Variants in ELMO1 observed in about 807,000 individuals in gnomAD.
The protein encoded by ELMO1 is engulfment and cell motility 1.
Under a neutral mutation model 98.9 loss-of-function variants are expected in ELMO1, and 26 were observed. That is an observed-to-expected ratio of 0.26 (90% CI 0.19 to 0.36). The LOEUF is 0.36. Ranked by LOEUF, ELMO1 falls within the 10% of genes least tolerant of loss-of-function variation. ELMO1 has a pLI of 1.00. For missense variants in ELMO1, 627 were observed against 935.2 expected (o/e 0.67, Z 4.30); for synonymous variants, 346 against 346.0 (o/e 1.00, Z 0.00).
intron 2 of ELMO1, among the ~76,000 whole-genome samples, chr7:37,329,136 G>A (rs1050792143): frequency 1.3e-5 from 2 of 152,172 alleles, no homozygotes; most frequent in Admixed American, 1.3e-4. Flanking sequence ...CAAAGGCAGA[G>A]CAAAATGGAT....
At chr7:36,975,902 T>C (rs1479147969) in intron 16 of ELMO1, among the ~76,000 whole-genome samples, 1 of 151,278 alleles carries the variant, frequency 6.6e-6, no homozygotes, top group African/African-American at 2.4e-5. Flanking sequence ...TATAGTTGAA[T>C]GTACATACAA....
At chr7:37,304,807 T>G (rs1353858296) in intron 4 of ELMO1, among the ~76,000 whole-genome samples, 1 of 152,206 alleles carries the variant, frequency 6.6e-6, no homozygotes, top group Non-Finnish European at 1.5e-5. Flanking sequence ...GAGTTTTTCC[T>G]GTTTTCCAAA....
chr7:36,932,165 G>C (rs1562834286), intron 16 of ELMO1, among the ~76,000 whole-genome samples: 1 of 152,170 alleles, frequency 6.6e-6, no homozygotes, highest in African/African-American at 2.4e-5. Flanking sequence ...CGTTCAATAA[G>C]ACATGGATCC....
intron 8 of ELMO1, among the ~76,000 whole-genome samples, chr7:37,231,395 A>C (rs937874360): frequency 1.3e-5 from 2 of 152,158 alleles, no homozygotes; most frequent in African/African-American, 4.8e-5. Flanking sequence ...TAATCATGTA[A>C]TCCAGGGTAA....
chr7:36,908,954 T>C (rs561717698), intron 16 of ELMO1, among the ~76,000 whole-genome samples: 69 of 152,320 alleles, frequency 4.5e-4, no homozygotes, highest in Non-Finnish European at 8.7e-4. Context: ...ACAAGAATCC[T>C]ACCAAATAGG....
chr7:37,216,209 C>T (rs1793272254), intron 11 of ELMO1, among the ~76,000 whole-genome samples: 1 of 151,664 alleles, frequency 6.6e-6, no homozygotes, highest in Non-Finnish European at 1.5e-5. Context: ...TATATCTTTC[C>T]TTCCTCTCTC....
chr7:37,380,914 G>A (rs945155995), intron 1 of ELMO1, among the ~76,000 whole-genome samples: 3 of 152,104 alleles, frequency 2.0e-5, no homozygotes, highest in Admixed American at 6.5e-5. Flanking sequence ...TAGATAGCAC[G>A]CCAGTACCAC....
At chr7:36,972,007 G>A (rs935795780) in intron 16 of ELMO1, among the ~76,000 whole-genome samples, 1 of 152,152 alleles carries the variant, frequency 6.6e-6, no homozygotes, top group African/African-American at 2.4e-5. Flanking sequence ...TGATTCATGG[G>A]TCTGGGGTGC....
chr7:37,415,410 G>A (rs1277913524), intron 1 of ELMO1, among the ~76,000 whole-genome samples: 2 of 152,194 alleles, frequency 1.3e-5, no homozygotes, highest in Non-Finnish European at 2.9e-5. Flanking sequence ...GGGTTTAAGA[G>A]CATAGTTCCA....
chr7:37,152,163 G>A (rs982105924), intron 13 of ELMO1, among the ~76,000 whole-genome samples: 1 of 152,212 alleles, frequency 6.6e-6, no homozygotes, highest in African/African-American at 2.4e-5. Context: ...TGGTGTCCTT[G>A]TGAACCTCAT....
chr7:36,889,114 A>G lies in ELMO1; in HGVS notation c.1602-1442T>C, dbSNP rs145474299. ...TCATGAGAAAAAAGAAAAAAGTTAC[A>G]TAAAAGGATAAGGCCATCTAACAGG... is the stretch of plus-strand genomic sequence containing the variant. On this transcript the variant is annotated intron_variant, in intron 17 of 21. Coordinates refer to ENST00000310758, the MANE Select transcript of ELMO1 (RefSeq NM_014800.11). Among the ~76,000 whole-genome samples, 611 of 152,340 alleles carry G rather than the reference A, an allele frequency of 4.0e-3. 2 individuals carry two copies. The highest frequency in any genetic ancestry group is 0.014 in the African/African-American group (589 of 41,584).
chr7:37,013,115 C>T (rs1793671214), intron 16 of ELMO1, among the ~76,000 whole-genome samples, 184 bp downstream of exon 16: 1 of 152,186 alleles, frequency 6.6e-6, no homozygotes, highest in South Asian at 2.1e-4. Context: ...TGAGGTCATC[C>T]CCAGCACACA....
chr7:37,341,034 T>C (rs1418357970), intron 2 of ELMO1, among the ~76,000 whole-genome samples: 5 of 152,228 alleles, frequency 3.3e-5, no homozygotes, highest in African/African-American at 1.2e-4. Flanking sequence ...ACGTCTCAGA[T>C]TGAACTACAC....
chr7:36,942,126 C>T (rs937470792), intron 16 of ELMO1, among the ~76,000 whole-genome samples: 32 of 152,326 alleles, frequency 2.1e-4, no homozygotes, highest in South Asian at 8.3e-4. Context: ...AATGGCTATA[C>T]ACAGACAATT....
intron 18 of ELMO1, among the ~76,000 whole-genome samples, chr7:36,879,837 G>A (rs1461582444): frequency 6.6e-6 from 1 of 152,200 alleles, no homozygotes; most frequent in Non-Finnish European, 1.5e-5. Flanking sequence ...TCATTTTTCT[G>A]GGAGAGCATT....
chr7:37,262,782 G>T (rs562073620), intron 5 of ELMO1, among the ~76,000 whole-genome samples: 1 of 152,280 alleles, frequency 6.6e-6, no homozygotes, highest in African/African-American at 2.4e-5. Context: ...TCCAAGGCAG[G>T]GCTACTTACA....
chr7:37,147,117 A>G (rs555196074), intron 13 of ELMO1, among the ~76,000 whole-genome samples: 169 of 152,328 alleles, frequency 1.1e-3, no homozygotes, highest in African/African-American at 3.5e-3. Context: ...TTAGAAATTC[A>G]AGCACATGTC....
chr7:37,203,827 G>T (rs892192902), intron 13 of ELMO1, among the ~76,000 whole-genome samples: 1 of 152,106 alleles, frequency 6.6e-6, no homozygotes, highest in Admixed American at 6.5e-5. Context: ...CCAACTTGTT[G>T]TTGGGATCCC....
In ELMO1 at chr7:37,340,186, G is replaced by A. The variant is rs570892009; in HGVS notation, c.78+2427C>T. Among the ~76,000 whole-genome samples the A allele has an allele frequency of 6.6e-5, 10 of 152,258 alleles. No individual in the cohort carries two copies. In the South Asian group the frequency reaches 1.5e-3, roughly 22 times the overall value. On this transcript the variant is annotated intron_variant, in intron 2 of 21. Transcript: ENST00000310758. ...ATGGATTACGAACTGTGAATTTGAC[G>A]ATAGCATTATACCAGTATTCAATTT... is the stretch of plus-strand genomic sequence containing the variant.
Sources: allele counts gnomAD v4.1 joint callset (sites outside exome capture counted in the v4.1 genomes callset), GRCh38; gene constraint gnomAD v4.1.1; transcripts MANE v1.5; gene names NCBI Gene and HGNC (gene_info 2026-07-23, HGNC 2026-07-21).